LIMCH1: variants seen among roughly 807,000 people sequenced by gnomAD.
LIMCH1 encodes the protein LIM and calponin homology domains-containing protein 1.
A neutral mutation model predicts 176.5 loss-of-function variants in LIMCH1; 113 were observed. That is an observed-to-expected ratio of 0.64 (90% CI 0.55 to 0.75). The LOEUF is 0.75. Among genes scored for constraint, LIMCH1 ranks in the 30% least tolerant of loss-of-function variants. The pLI, the probability that LIMCH1 is intolerant of heterozygous loss-of-function variation, is 0.00. For missense variants in LIMCH1, 1,674 were observed against 1,814.9 expected, an observed-to-expected ratio of 0.92 and a Z score of 1.41; for synonymous variants, 619 against 645.9, an observed-to-expected ratio of 0.96 and a Z score of 0.63.
chr4:41,409,232 C>T (rs1180823856), intron 1 of LIMCH1, among the ~76,000 whole-genome samples: 2 of 152,126 alleles, frequency 1.3e-5, no homozygotes, highest in Admixed American at 6.5e-5. Context: ...TAAGCAGTTA[C>T]ATTTTACCAT....
At chr4:41,597,391 A>T (rs1390255951) in intron 1 of LIMCH1, among the ~76,000 whole-genome samples, 1 of 152,206 alleles carries the variant, frequency 6.6e-6, no homozygotes, top group Non-Finnish European at 1.5e-5. Flanking sequence ...GGGCTATAGA[A>T]AGGTTAGCAA....
chr4:41,439,412 C>T (rs1582187596), intron 1 of LIMCH1, among the ~76,000 whole-genome samples: 2 of 151,898 alleles, frequency 1.3e-5, no homozygotes, highest in South Asian at 2.1e-4. Flanking sequence ...ATGGTGAAAC[C>T]CCCATCTCTA....
intron 2 of LIMCH1, among the ~76,000 whole-genome samples, chr4:41,599,575 T>G (rs2152748639): frequency 6.6e-6 from 1 of 152,334 alleles, no homozygotes; most frequent in East Asian, 1.9e-4. Flanking sequence ...GAGCAGAATG[T>G]CACAATAAAA....
chr4:41,561,694 G>T (rs576817706), intron 1 of LIMCH1, among the ~76,000 whole-genome samples: 59 of 152,268 alleles, frequency 3.9e-4, no homozygotes, highest in Non-Finnish European at 7.5e-4. Context: ...GAAAGAAAAA[G>T]AAGTGGATAT....
At chr4:41,540,278 T>G (rs2078452294) in intron 1 of LIMCH1, among the ~76,000 whole-genome samples, 1 of 151,572 alleles carries the variant, frequency 6.6e-6, no homozygotes. Flanking sequence ...AAAACAGGAG[T>G]AGGAAAAGAA....
At chr4:41,562,639 G>A (rs1033915033) in intron 1 of LIMCH1, among the ~76,000 whole-genome samples, 14 of 152,110 alleles carry the variant, frequency 9.2e-5, no homozygotes, top group African/African-American at 3.4e-4. Context: ...GTATCTGGAT[G>A]GCTACATAGT....
At chr4:41,388,560 C>T (rs2154108637) in intron 1 of LIMCH1, among the ~76,000 whole-genome samples, 1 of 152,280 alleles carries the variant, frequency 6.6e-6, no homozygotes, top group South Asian at 2.1e-4. Context: ...GTGATGGTTG[C>T]ACAATTCTAT....
chr4:41,473,883 A>T (rs1011528430), intron 1 of LIMCH1, among the ~76,000 whole-genome samples: 2 of 152,232 alleles, frequency 1.3e-5, no homozygotes, highest in Non-Finnish European at 1.5e-5. Flanking sequence ...ACCTTATTTT[A>T]AAAATGGGCA....
intron 1 of LIMCH1, among the ~76,000 whole-genome samples, chr4:41,546,773 C>T (rs1193113635): frequency 2.0e-5 from 3 of 152,006 alleles, no homozygotes; most frequent in African/African-American, 7.2e-5. Flanking sequence ...CCATTCTTCC[C>T]CTAGCTCAAT....
upstream of LIMCH1, among the ~76,000 whole-genome samples, chr4:41,536,975 T>C (rs1329741760): frequency 6.6e-6 from 1 of 152,236 alleles, no homozygotes; most frequent in Non-Finnish European, 1.5e-5. Context: ...ACATGAGTTA[T>C]ACTGAAACTC....
At chr4:41,478,761 C>T (rs551693947) in intron 1 of LIMCH1, among the ~76,000 whole-genome samples, 4 of 152,244 alleles carry the variant, frequency 2.6e-5, no homozygotes, top group Admixed American at 6.5e-5. Context: ...AACGTCATGT[C>T]GATTTGATGG....
At chr4:41,469,645 T>C (rs1054714869) in intron 1 of LIMCH1, among the ~76,000 whole-genome samples, 4 of 141,934 alleles carry the variant, frequency 2.8e-5, no homozygotes, top group African/African-American at 1.1e-4. Context: ...TTTTTAGGAT[T>C]ATGTCATAGC....
upstream of LIMCH1, among the ~76,000 whole-genome samples, chr4:41,535,825 C>T (rs1457053915): frequency 6.6e-6 from 1 of 152,182 alleles, no homozygotes; most frequent in African/African-American, 2.4e-5. Flanking sequence ...TTCTGTGTCT[C>T]TGCAGAGGTG....
At chr4:41,658,101 C>CA (rs1329003616) in intron 18 of LIMCH1, among the ~76,000 whole-genome samples, 1 of 152,144 alleles carries the variant, frequency 6.6e-6, no homozygotes, top group African/African-American at 2.4e-5. Context: ...GCAGGGTTCC[C>CA]ACCTCCCCTG....
At chr4:41,666,399 G>C (rs977326534) in intron 20 of LIMCH1, among the ~76,000 whole-genome samples, 162 bp from the exon 21 acceptor site, 3 of 152,198 alleles carry the variant, frequency 2.0e-5, no homozygotes, top group Non-Finnish European at 2.9e-5. Context: ...AAGGATGAAA[G>C]CGTTTTAGGG....
chr4:41,538,856 G>T (rs2078261750), intron 1 of LIMCH1, among the ~76,000 whole-genome samples: 1 of 152,138 alleles, frequency 6.6e-6, no homozygotes, highest in Non-Finnish European at 1.5e-5. Flanking sequence ...AGGAAAAGAA[G>T]CAAGGAAGAC....
At chr4:41,618,381 T>C (rs373186371) in intron 5 of LIMCH1, among the ~76,000 whole-genome samples, 2 of 152,232 alleles carry the variant, frequency 1.3e-5, no homozygotes, top group Non-Finnish European at 2.9e-5. Context: ...TTCCTTTGTG[T>C]TGTTTAAAAC....
intron 1 of LIMCH1, chr4:41,389,100 C>G (rs1211605912): frequency 1.3e-5 from 2 of 152,348 alleles, no homozygotes. Flanking sequence ...TCCTCTGACA[C>G]CAGCTGCCTC....
chr4:41,657,221 A>T (rs1186677799), intron 18 of LIMCH1, among the ~76,000 whole-genome samples: 1 of 152,230 alleles, frequency 6.6e-6, no homozygotes, highest in Non-Finnish European at 1.5e-5. Context: ...TTCTTGAGAA[A>T]GTGTTACCAG....
Sources: gnomAD v4.1 joint callset for allele counts (sites outside exome capture counted in the v4.1 genomes callset) on GRCh38, gnomAD v4.1.1 for gene constraint, MANE v1.5 for transcripts, NCBI Gene and HGNC (gene_info 2026-07-23, HGNC 2026-07-21) for gene names.